The following RABGAP1L variants were observed in gnomAD, a reference collection of about 807,000 sequenced individuals.
The protein encoded by RABGAP1L is RAB GTPase activating protein 1 like.
In RABGAP1L, 63 loss-of-function variants were observed where a neutral mutation model predicts 137.7. The ratio of observed to expected loss-of-function variants is 0.46; its 90% CI spans 0.37 to 0.56. The LOEUF is 0.56. Ranked by LOEUF, RABGAP1L falls within the 20% of genes least tolerant of loss-of-function variation. The pLI, the probability that RABGAP1L is intolerant of heterozygous loss-of-function variation, is 0.00. For missense variants in RABGAP1L, 1,095 were observed against 1,244.0 expected (o/e 0.88, Z 1.80); for synonymous variants, 431 against 433.7 (o/e 0.99, Z 0.08).
chr1:174,519,461 C>G (rs1349030399), intron 13 of RABGAP1L, among the ~76,000 whole-genome samples: 1 of 152,090 alleles, frequency 6.6e-6, no homozygotes, highest in East Asian at 1.9e-4. Flanking sequence ...TTTATATTCG[C>G]TGGCAGCTGC....
chr1:174,608,458 A>C (rs1670949234), intron 13 of RABGAP1L, among the ~76,000 whole-genome samples: 1 of 152,188 alleles, frequency 6.6e-6, no homozygotes, highest in South Asian at 2.1e-4. Context: ...TTGGTATTAC[A>C]GTAAGTAACA....
chr1:174,536,519 G>A lies in RABGAP1L; in HGVS notation c.1711-100856G>A, dbSNP rs374086622. ...TAAGCATTCTTATTTTATGTGGGAA[G>A]AATTATGCTTTTTTTCCTTTAAAGA... On this transcript the variant is annotated intron_variant, in intron 13 of 25. Transcript: ENST00000681986. 6.1e-4 allele frequency among the ~76,000 whole-genome samples: 92 copies of A among 151,940 alleles called. 1 individual carries two copies. Among genetic ancestry groups the A allele is most frequent in the Non-Finnish European group, 1.2e-4 (8 of 67,960 alleles).
intron 13 of RABGAP1L, among the ~76,000 whole-genome samples, chr1:174,443,355 T>G (rs1357931951): frequency 6.6e-6 from 1 of 152,114 alleles, no homozygotes; most frequent in East Asian, 1.9e-4. Flanking sequence ...ATGAGTGTTC[T>G]GTTTTCTCTG....
chr1:174,716,082 G>A (rs954418732), intron 17 of RABGAP1L, among the ~76,000 whole-genome samples: 3 of 152,176 alleles, frequency 2.0e-5, no homozygotes, highest in Non-Finnish European at 2.9e-5. Context: ...ATAATACATT[G>A]TAAATGGTAT....
intron 13 of RABGAP1L, among the ~76,000 whole-genome samples, chr1:174,619,936 G>A (rs554954857): frequency 6.6e-6 from 1 of 152,228 alleles, no homozygotes; most frequent in Admixed American, 6.5e-5. Context: ...AATAAGGGAC[G>A]GAGGAAGATC....
At chr1:174,877,544 G>T in intron 19 of RABGAP1L, 2 of 1,614,030 alleles carry the variant, frequency 1.2e-6, no homozygotes, top group Non-Finnish European at 1.7e-6. Flanking sequence ...CATGTTTTCA[G>T]CCAGCTGCAC....
At chr1:174,893,136 G>T in intron 19 of RABGAP1L, 1 of 311,034 alleles carries the variant, frequency 3.2e-6, no homozygotes, top group Non-Finnish European at 6.6e-6. Context: ...GTGCGGCCCT[G>T]TGTGCATACT....
At chr1:174,858,449 G>A (rs977274397) in intron 19 of RABGAP1L, among the ~76,000 whole-genome samples, 2 of 152,136 alleles carry the variant, frequency 1.3e-5, no homozygotes, top group South Asian at 4.2e-4. Flanking sequence ...GGTATCTGGT[G>A]TGCAGAGGCC....
chr1:174,936,322 G>T (rs1362039741), intron 19 of RABGAP1L, among the ~76,000 whole-genome samples: 3 of 152,092 alleles, frequency 2.0e-5, no homozygotes, highest in Non-Finnish European at 4.4e-5. Flanking sequence ...AAGAAAATTA[G>T]CTGGGAGTGC....
Position 174,448,649 on chromosome 1 carries a change from TG to T in RABGAP1L, c.1710+54509del. 1 of 1,613,876 alleles carries T rather than the reference TG, an allele frequency of 6.2e-7. No homozygotes were observed. The highest frequency in any genetic ancestry group is 8.5e-7 in the Non-Finnish European group (1 of 1,179,796). On this transcript the variant is annotated intron_variant, in intron 13 of 25. Coordinates refer to ENST00000681986, the MANE Select transcript of RABGAP1L (RefSeq NM_001366446.1). The surrounding 1 kb of genome is among the most constrained non-coding windows in gnomAD (Gnocchi z 4.2). ...AATTTTCTTGCCTTCCTTTTTTGGC[TG>T]GGGGAAACCTGGTTACCATGGTGAC...
intron 18 of RABGAP1L, among the ~76,000 whole-genome samples, chr1:174,766,299 A>G (rs1685666947): frequency 6.6e-6 from 1 of 152,230 alleles, no homozygotes; most frequent in African/African-American, 2.4e-5. Context: ...CACTAGGGGT[A>G]CACCTTCATC....
In RABGAP1L at chr1:174,275,685, G is replaced by C. The variant is rs1674937322; in HGVS notation, c.1054-148G>C. On this transcript the variant is annotated intron_variant, in intron 8 of 25. Transcript: ENST00000681986. The stretch of plus-strand genomic sequence containing the variant: ...TAATATTTAAATAAATGCTTTTGTA[G>C]GATGAAAAGAATTTACAGTGAATAT... 5 of 472,314 alleles carry C rather than the reference G, an allele frequency of 1.1e-5. No homozygotes were observed. In the South Asian group the frequency reaches 2.3e-4, roughly 22 times the overall value. The allele number at this position is 472,314 out of a possible 1,614,324, so 29.3% of individuals were successfully genotyped here.
intron 10 of RABGAP1L, among the ~76,000 whole-genome samples, chr1:174,288,582 C>A (rs1161273602): frequency 1.3e-5 from 2 of 152,178 alleles, no homozygotes; most frequent in Non-Finnish European, 1.5e-5. Flanking sequence ...TACAGTCTTA[C>A]AAGGGCTCTT....
intron 14 of RABGAP1L, among the ~76,000 whole-genome samples, chr1:174,642,084 T>C (rs1339593497): frequency 6.6e-6 from 1 of 152,182 alleles, no homozygotes; most frequent in Non-Finnish European, 1.5e-5. Context: ...CAGAACAATA[T>C]GATTTAAAGT....
chr1:174,755,073 A>G (rs1453392422), intron 18 of RABGAP1L, among the ~76,000 whole-genome samples: 2 of 152,234 alleles, frequency 1.3e-5, no homozygotes, highest in Non-Finnish European at 2.9e-5. Flanking sequence ...AAAGCTCAAG[A>G]TCACCTTAAG....
chr1:174,742,081 G>A (rs185796839), intron 17 of RABGAP1L, among the ~76,000 whole-genome samples: 4 of 124,034 alleles, frequency 3.2e-5, no homozygotes, highest in East Asian at 2.5e-4. Flanking sequence ...AGGGGGAGGG[G>A]GGAGGAGGAG....
Position 174,426,572 on chromosome 1 carries a change from A to G in RABGAP1L, c.1710+32427A>G, listed in dbSNP as rs541268790. ...AGCATAGACTGGAAATACTTTATAT[A>G]TAATGAAAGAAGAAAAGAACTAGAA... On this transcript the variant is annotated intron_variant, in intron 13 of 25. Transcript: ENST00000681986. Among the ~76,000 whole-genome samples the G allele has an allele frequency of 4.3e-4, 66 of 152,234 alleles. 1 individual carries two copies. Among genetic ancestry groups the G allele is most frequent in the Admixed American group, 1.9e-3 (29 of 15,292 alleles).
intron 13 of RABGAP1L, among the ~76,000 whole-genome samples, chr1:174,434,108 TACACAC>T (rs35509787): frequency 0.035 from 4,683 of 134,102 alleles, 200 homozygotes; most frequent in African/African-American, 0.11. Flanking sequence ...CGTGTACACA[TACACAC>T]ACACACACAC....
chr1:174,670,344 T>C (rs1196646829), intron 14 of RABGAP1L, among the ~76,000 whole-genome samples: 6 of 152,150 alleles, frequency 3.9e-5, no homozygotes, highest in African/African-American at 1.4e-4. Flanking sequence ...AATCACATCA[T>C]GGAGAATGGG....
Sources: gnomAD v4.1 joint callset for allele counts (sites outside exome capture counted in the v4.1 genomes callset) on GRCh38, gnomAD v4.1.1 for gene constraint, Gnocchi (gnomAD v3.1) non-coding constraint, MANE v1.5 for transcripts, NCBI Gene and HGNC (gene_info 2026-07-23, HGNC 2026-07-21) for gene names.